Variants in ZCCHC10 observed in about 807,000 individuals in gnomAD.
The protein encoded by ZCCHC10 is zinc finger CCHC-type containing 10.
In ZCCHC10, 16 loss-of-function variants were observed where a neutral mutation model predicts 19.5. The ratio of observed to expected loss-of-function variants is 0.82; its 90% CI spans 0.56 to 1.25. ZCCHC10 has a LOEUF of 1.25. Ranked by LOEUF, ZCCHC10 falls within the 50% of genes most tolerant of loss-of-function variation. The pLI, the probability that ZCCHC10 is intolerant of heterozygous loss-of-function variation, is 0.00. For missense variants in ZCCHC10, 197 were observed against 201.0 expected, an observed-to-expected ratio of 0.98 and a Z score of 0.12; for synonymous variants, 67 against 72.5, an observed-to-expected ratio of 0.92 and a Z score of 0.38.
chr5:132,998,981 T>A (rs1762598531), intron 4 of ZCCHC10, 131 bp from the exon 5 acceptor site: 1 of 1,234,958 alleles, frequency 8.1e-7, no homozygotes, highest in Non-Finnish European at 1.1e-6. Flanking sequence ...AGTGGCACAA[T>A]CTCAGCTCAC....
rs1221252053 is a variant in ZCCHC10 at position 133,010,929 on chromosome 5, T to C, written c.108-4009A>G. The stretch of plus-strand genomic sequence containing the variant: ...GCCTCAGCCTCCCAAGTAGCTGGGA[T>C]TACAGGCGCCTGCCACCACACCCAG... On this transcript the variant is annotated intron_variant, in intron 2 of 4. Transcript: ENST00000509437. 2.0e-5 allele frequency among the ~76,000 whole-genome samples: 3 copies of C among 151,976 alleles called. No individual in the cohort carries two copies. The East Asian group carries it at 5.8e-4, about 30-fold the overall frequency.
At chr5:133,017,236 A>C (rs1295682922) in intron 2 of ZCCHC10, among the ~76,000 whole-genome samples, 2 of 152,150 alleles carry the variant, frequency 1.3e-5, no homozygotes, top group Non-Finnish European at 2.9e-5. Flanking sequence ...CTGACCCCAC[A>C]TTCAGCTCTA....
intron 4 of ZCCHC10, among the ~76,000 whole-genome samples, chr5:132,999,449 A>C (rs1057024818): frequency 6.6e-6 from 1 of 152,192 alleles, no homozygotes; most frequent in Non-Finnish European, 1.5e-5. Flanking sequence ...CTGCAGTATA[A>C]CAATTGGGTC....
chr5:133,019,945 C>A (rs1337018839), intron 2 of ZCCHC10, among the ~76,000 whole-genome samples: 1 of 137,142 alleles, frequency 7.3e-6, no homozygotes, highest in Non-Finnish European at 1.5e-5. Context: ...CAGTGAGACT[C>A]CAGCTCAAAA....
intron 3 of ZCCHC10, among the ~76,000 whole-genome samples, chr5:133,002,814 G>C (rs11750144): frequency 0.18 from 26,660 of 148,772 alleles, 2,649 homozygotes; most frequent in Non-Finnish European, 0.24. Flanking sequence ...CTGCCTCCTG[G>C]GTTCAAGCAA....
At chr5:133,003,149 A>G in intron 3 of ZCCHC10, 1 of 327,632 alleles carries the variant, frequency 3.1e-6, no homozygotes, top group Non-Finnish European at 6.0e-6. Context: ...CAGGCCAAGA[A>G]GCATGCGAAG....
intron 3 of ZCCHC10, among the ~76,000 whole-genome samples, chr5:133,005,755 G>A (rs2126569861): frequency 1.3e-5 from 2 of 152,268 alleles, no homozygotes; most frequent in South Asian, 4.1e-4. Flanking sequence ...GATTAGAGAA[G>A]CGTTGTTAGA....
At chr5:133,013,473 T>C (rs1763708979) in intron 2 of ZCCHC10, among the ~76,000 whole-genome samples, 1 of 152,074 alleles carries the variant, frequency 6.6e-6, no homozygotes, top group African/African-American at 2.4e-5. Context: ...CCTGTAATCC[T>C]GGCACTTTGG....
chr5:133,018,423 G>A (rs192996544), intron 2 of ZCCHC10, among the ~76,000 whole-genome samples: 30 of 151,088 alleles, frequency 2.0e-4, no homozygotes, highest in African/African-American at 2.9e-4. Flanking sequence ...TTTTTGAGAC[G>A]GAGTCTTCCT....
intron 2 of ZCCHC10, among the ~76,000 whole-genome samples, chr5:133,014,457 G>A (rs903217639): frequency 6.6e-6 from 1 of 152,072 alleles, no homozygotes; most frequent in African/African-American, 2.4e-5. Context: ...GAGCCACCGC[G>A]CCCAGACCTA....
chr5:133,024,058 G>A (rs986676195), intron 1 of ZCCHC10, among the ~76,000 whole-genome samples: 6 of 152,058 alleles, frequency 3.9e-5, no homozygotes, highest in Non-Finnish European at 7.4e-5. Flanking sequence ...AACAAGACCA[G>A]AAGCTCCTTA....
intron 2 of ZCCHC10, among the ~76,000 whole-genome samples, chr5:133,019,813 G>C (rs540551737): frequency 1.3e-5 from 2 of 151,844 alleles, no homozygotes; most frequent in African/African-American, 4.8e-5. Context: ...AATTAGCTGC[G>C]TGGGGTGGTG....
intron 2 of ZCCHC10, among the ~76,000 whole-genome samples, chr5:133,008,672 C>G (rs1255849902): frequency 6.6e-6 from 1 of 151,966 alleles, no homozygotes; most frequent in Non-Finnish European, 1.5e-5. Context: ...TGAGACCAGC[C>G]AGGCAGGACA....
chr5:133,015,206 G>A (rs185394264), intron 2 of ZCCHC10, among the ~76,000 whole-genome samples: 1 of 151,696 alleles, frequency 6.6e-6, no homozygotes, highest in African/African-American at 2.4e-5. Flanking sequence ...AGCCTACTGA[G>A]TAGCTGGGAT....
At chr5:133,014,916 A>G (rs780390245) in intron 2 of ZCCHC10, among the ~76,000 whole-genome samples, 1 of 152,302 alleles carries the variant, frequency 6.6e-6, no homozygotes, top group African/African-American at 2.4e-5. Flanking sequence ...ATCACATCTG[A>G]TATCTCTGAG....
chr5:133,020,362 T>C (rs1163657057), intron 2 of ZCCHC10, among the ~76,000 whole-genome samples: 2 of 152,024 alleles, frequency 1.3e-5, no homozygotes. Flanking sequence ...GAGAATCACT[T>C]GAGCCTGGGA....
Position 133,000,187 on chromosome 5 carries a change from G to C in ZCCHC10, c.270-14C>G, listed in dbSNP as rs766835926. 1 of 1,612,382 alleles carries C rather than the reference G, an allele frequency of 6.2e-7. No homozygotes were observed. The highest frequency in any genetic ancestry group is 8.5e-7 in the Non-Finnish European group (1 of 1,179,500). ...GTTTCTCCAATGCTGATAAACACGA[G>C]GGGGAAAAAAGCTCCTGTTAATAGA... On this transcript the variant is annotated splice_polypyrimidine_tract_variant and intron_variant, in intron 3 of 4. Coordinates refer to ENST00000509437, the MANE Select transcript of ZCCHC10 (RefSeq NM_001300816.3).
rs1325967375 is a variant in ZCCHC10 at position 133,000,190 on chromosome 5, G to A, written c.270-17C>T. 2 of 1,611,188 alleles carry A rather than the reference G, an allele frequency of 1.2e-6. No homozygotes were observed. The highest frequency in any genetic ancestry group is 1.7e-6 in the Non-Finnish European group (2 of 1,179,118). On this transcript the variant is annotated splice_polypyrimidine_tract_variant and intron_variant, in intron 3 of 4. Coordinates refer to ENST00000509437, the MANE Select transcript of ZCCHC10 (RefSeq NM_001300816.3). ...TCTCCAATGCTGATAAACACGAGGG[G>A]GAAAAAAGCTCCTGTTAATAGAGTG...
At chr5:133,026,445 G>A (rs1764722179) in intron 1 of ZCCHC10, 52 bp downstream of exon 1, 1 of 1,605,128 alleles carries the variant, frequency 6.2e-7, no homozygotes. Flanking sequence ...CCGTTGACGC[G>A]CGTTTCCCCG....
Sources: allele counts gnomAD v4.1 joint callset (sites outside exome capture counted in the v4.1 genomes callset), GRCh38; gene constraint gnomAD v4.1.1; transcripts MANE v1.5; gene names NCBI Gene and HGNC (gene_info 2026-07-23, HGNC 2026-07-21).